Variants in DNAH2 observed in about 807,000 individuals in gnomAD.
DNAH2 encodes axonemal beta dynein heavy chain 2.
In DNAH2, 323 loss-of-function variants were observed where a neutral mutation model predicts 523.5. The ratio of observed to expected loss-of-function variants is 0.62; its 90% CI spans 0.56 to 0.68. The LOEUF (loss-of-function observed/expected upper bound fraction) is 0.68, where lower values mean the gene tolerates loss of function less well. DNAH2 is among the 30% of genes least tolerant of loss of function. The pLI, the probability that DNAH2 is intolerant of heterozygous loss-of-function variation, is 0.00. For synonymous variants in DNAH2, 2,093 were observed against 2,177.4 expected, an observed-to-expected ratio of 0.96 and a Z score of 1.08; for missense variants, 4,907 against 5,701.5, an observed-to-expected ratio of 0.86 and a Z score of 4.49.
chr17:7,752,578 C>T (rs1426726455), intron 12 of DNAH2, among the ~76,000 whole-genome samples: 7 of 152,068 alleles, frequency 4.6e-5, no homozygotes, highest in South Asian at 4.2e-4. Context: ...GGCGTGGTGG[C>T]GGGCGCCTGT....
chr17:7,796,690 C>A lies in DNAH2; in HGVS notation c.7863+38C>A, dbSNP rs190680356. On this transcript the variant is annotated intron_variant, in intron 50 of 85. Coordinates refer to ENST00000572933, the MANE Select transcript of DNAH2 (RefSeq NM_020877.5). Reference sequence around the variant, plus strand: ...CTGACCTTGCCCCTTCTGCTTGGCCCAGCCTCCGCGGAGGCTTTCTCTTCT... The same window carrying A: ...CTGACCTTGCCCCTTCTGCTTGGCCAAGCCTCCGCGGAGGCTTTCTCTTCT... The A allele has an allele frequency of 9.7e-4, 1,546 of 1,587,622 alleles. 9 individuals are homozygous for A. In the Middle Eastern group the frequency reaches 0.01, roughly 11 times the overall value.
intron 12 of DNAH2, among the ~76,000 whole-genome samples, chr17:7,749,669 G>A (rs1376895950): frequency 6.6e-6 from 1 of 151,950 alleles, no homozygotes; most frequent in East Asian, 1.9e-4. Context: ...TCTTTTGCTT[G>A]TACAATGTTT....
At chr17:7,771,028 C>T (rs1473467968) in intron 27 of DNAH2, 95 bp downstream of exon 27, 1 of 1,383,878 alleles carries the variant, frequency 7.2e-7, no homozygotes, top group Non-Finnish European at 9.9e-7. Flanking sequence ...CCTCATTCTC[C>T]TACCTTTAAA....
chr17:7,734,062 C>A, intron 5 of DNAH2, 121 bp from the exon 6 acceptor site: 2 of 798,806 alleles, frequency 2.5e-6, no homozygotes, highest in Non-Finnish European at 3.9e-6. Flanking sequence ...ACCATTTCTT[C>A]TACCTGCTCT....
At chr17:7,719,997 G>A in intron 2 of DNAH2, 97 bp downstream of exon 2, 2 of 1,387,298 alleles carry the variant, frequency 1.4e-6, no homozygotes, top group Non-Finnish European at 1.9e-6. Context: ...AGGCGCTGTT[G>A]CTTCTGGGCA....
In DNAH2 at chr17:7,818,774, G is replaced by T. The variant is rs748706084; in HGVS notation, c.10668G>T (p.Leu3556=). 20 of 1,614,038 alleles carry T rather than the reference G, an allele frequency of 1.2e-5. No individual in the cohort carries two copies. The highest frequency in any genetic ancestry group is 1.6e-5 in the Non-Finnish European group (19 of 1,179,970). ...TCAAGGAGCTGGAGGATGAGATCCT[G>T]CGGTGAGGCCCTGCCTTCCCCTCCC... is the stretch of plus-strand genomic sequence containing the variant. ...RKLKELEDEI[L]RLLNEATGSL... is the part of the protein sequence containing the mutation. Residue 3556 remains leucine (L), a splice_region_variant and synonymous_variant, in exon 70 of 86, where the codon CTG becomes CTT. Coordinates refer to ENST00000572933, the MANE Select transcript of DNAH2 (RefSeq NM_020877.5).
chr17:7,831,491 G>T lies in DNAH2; in HGVS notation c.12561G>T (p.Val4187=). 1 of 1,614,188 alleles carries T rather than the reference G, an allele frequency of 6.2e-7. No homozygotes were observed. The highest frequency in any genetic ancestry group is 8.5e-7 in the Non-Finnish European group (1 of 1,180,038). Residue 4187 remains valine, a synonymous_variant, in exon 81 of 86, where the codon GTG becomes GTT. Coordinates refer to ENST00000572933, the MANE Select transcript of DNAH2 (RefSeq NM_020877.5). This position sits in a 1 kb window ranked among gnomAD's most constrained non-coding sequence, Gnocchi z 4.2. ...CTCTCGACCCCTCCCCCCTCAATGT[G>T]GTCCTTCTGCAGGAGATCCAGAGAT... ...LLALDPSPLN[V]VLLQEIQRYN...
At position 7,774,996 on chromosome 17, in the gene DNAH2, G is replaced by A. The variant is rs755900783; in HGVS notation, c.4719+20G>A. On this transcript the variant is annotated intron_variant, in intron 29 of 85. Transcript: ENST00000572933. ...CAGAAGGTCAGTAGAAGTGGCCACA[G>A]TGAGATGCTGGGTGGCGAAGGGAGG... 2.2e-5 allele frequency: 35 copies of A among 1,610,850 alleles called. No individual in the cohort carries two copies. Among genetic ancestry groups the A allele is most frequent in the Admixed American group, 1.0e-4 (6 of 59,936 alleles).
At chr17:7,745,452 G>A (rs186827282) in intron 12 of DNAH2, among the ~76,000 whole-genome samples, 3 of 152,208 alleles carry the variant, frequency 2.0e-5, no homozygotes, top group Admixed American at 1.3e-4. Flanking sequence ...ACACTCTCAT[G>A]ACACAATTTT....
rs949116416 is a variant in DNAH2, at chr17:7,740,801, C to A, written c.1507-9C>A. 2 of 1,595,954 alleles carry A rather than the reference C, an allele frequency of 1.3e-6. No homozygotes were observed. Among genetic ancestry groups the A allele is most frequent in the East Asian group, 2.3e-5 (1 of 44,338 alleles). ...GGCACGTCGCCAGCCTCTTCCTCTTCTTCCCTAGGCTATCAAGCGGACTTA... is the reference window on the plus strand; with the variant it reads ...GGCACGTCGCCAGCCTCTTCCTCTTATTCCCTAGGCTATCAAGCGGACTTA... On this transcript the variant is annotated splice_polypyrimidine_tract_variant and intron_variant, in intron 10 of 85. Coordinates refer to ENST00000572933, the MANE Select transcript of DNAH2 (RefSeq NM_020877.5).
chr17:7,763,800 A>G, intron 18 of DNAH2, 31 bp from the exon 19 acceptor site: 6 of 1,612,882 alleles, frequency 3.7e-6, no homozygotes, highest in Non-Finnish European at 5.1e-6. Context: ...AAAGAAAACA[A>G]CATCCTAGCT....
intron 12 of DNAH2, among the ~76,000 whole-genome samples, chr17:7,755,513 G>A (rs1277176170): frequency 6.6e-6 from 1 of 152,220 alleles, no homozygotes; most frequent in Non-Finnish European, 1.5e-5. Context: ...CTGTGGAGGA[G>A]GAAGTGAAGT....
intron 12 of DNAH2, among the ~76,000 whole-genome samples, chr17:7,756,846 T>C (rs924953243): frequency 6.6e-6 from 1 of 152,106 alleles, no homozygotes; most frequent in African/African-American, 2.4e-5. Flanking sequence ...AATTTTTGTA[T>C]TTTTTGTAGA....
At chr17:7,777,015 C>A (rs539989894) in intron 32 of DNAH2, 126 bp downstream of exon 32, 1 of 705,884 alleles carries the variant, frequency 1.4e-6, no homozygotes, top group Non-Finnish European at 2.3e-6. Flanking sequence ...GAAACCCCTT[C>A]TTTACCAAAA....
At chr17:7,785,212 G>A (rs547770728) in intron 39 of DNAH2, among the ~76,000 whole-genome samples, 3 of 151,186 alleles carry the variant, frequency 2.0e-5, no homozygotes, top group Admixed American at 6.6e-5. Context: ...AGCGATTCTC[G>A]TGCCTCAGCC....
intron 77 of DNAH2, among the ~76,000 whole-genome samples, chr17:7,829,693 C>T (rs1277930635): frequency 6.6e-6 from 1 of 152,046 alleles, no homozygotes; most frequent in Non-Finnish European, 1.5e-5. Flanking sequence ...TTGTGCTGGC[C>T]TACCTACCAC....
intron 73 of DNAH2, among the ~76,000 whole-genome samples, chr17:7,823,202 G>A (rs568400852): frequency 1.3e-5 from 2 of 151,672 alleles, no homozygotes; most frequent in East Asian, 3.9e-4. Context: ...GCTGAGGCAG[G>A]AGAATCGCTT....
chr17:7,765,666 A>T, intron 21 of DNAH2, 101 bp downstream of exon 21: 3 of 1,334,720 alleles, frequency 2.2e-6, no homozygotes, highest in African/African-American at 1.5e-5. Flanking sequence ...GGGGAGGAGG[A>T]GGGTCGGTGC....
chr17:7,733,043 G>T, intron 4 of DNAH2, 44 bp from the exon 5 acceptor site: 9 of 1,596,602 alleles, frequency 5.6e-6, no homozygotes, highest in Non-Finnish European at 7.7e-6. Context: ...GGGTGTCATG[G>T]CTGGGCCTGG....
Sources: gnomAD v4.1 joint callset for allele counts (sites outside exome capture counted in the v4.1 genomes callset) on GRCh38, gnomAD v4.1.1 for gene constraint, Gnocchi (gnomAD v3.1) non-coding constraint, MANE v1.5 for transcripts, NCBI Gene and HGNC (gene_info 2026-07-23, HGNC 2026-07-21) for gene names.